The following BCAT1 variants were observed in gnomAD, a reference collection of about 807,000 sequenced individuals.
BCAT1 encodes branched chain amino acid transaminase 1, also known as branched-chain-amino-acid aminotransferase, cytosolic.
Under a neutral mutation model 52.4 loss-of-function variants are expected in BCAT1, and 48 were observed. The observed-to-expected ratio is 0.92, with a 90% CI of 0.73 to 1.16. The LOEUF (loss-of-function observed/expected upper bound fraction) is 1.16, where lower values mean the gene tolerates loss of function less well. Among genes scored for constraint, BCAT1 ranks in the 50% most tolerant of loss-of-function variants. BCAT1 has a pLI of 0.00. For missense variants in BCAT1, 451 were observed against 457.1 expected, an observed-to-expected ratio of 0.99 and a Z score of 0.12; for synonymous variants, 167 against 161.3, an observed-to-expected ratio of 1.04 and a Z score of -0.27.
chr12:24,945,260 A>G lies in BCAT1; in HGVS notation c.6+3667T>C, dbSNP rs146219756. Among the ~76,000 whole-genome samples the G allele has an allele frequency of 2.9e-3, 445 of 152,330 alleles. 2 individuals are homozygous for G. Among genetic ancestry groups the G allele is most frequent in the Middle Eastern group, 0.024 (7 of 294 alleles). Reference sequence around the variant, plus strand: ...GATGAAACTGTTTACCAATATTTGCAAAGTCATGTTTATGAATAAAAGCAC... The same window carrying G: ...GATGAAACTGTTTACCAATATTTGCGAAGTCATGTTTATGAATAAAAGCAC... On this transcript the variant is annotated intron_variant, in intron 1 of 10. Coordinates refer to ENST00000261192, the MANE Select transcript of BCAT1 (RefSeq NM_005504.7).
At chr12:24,828,366 G>A (rs1344433003) in intron 10 of BCAT1, among the ~76,000 whole-genome samples, 1 of 152,064 alleles carries the variant, frequency 6.6e-6, no homozygotes, top group East Asian at 1.9e-4. Flanking sequence ...GCCTGATGAG[G>A]CATTACTGTA....
intron 5 of BCAT1, among the ~76,000 whole-genome samples, chr12:24,878,059 C>G (rs1468439105): frequency 1.3e-5 from 2 of 151,084 alleles, no homozygotes; most frequent in South Asian, 2.1e-4. Context: ...GAAGCTGAGG[C>G]AGGAGGATCA....
At chr12:24,824,231 T>TTTCCTTCCTTCCCTCCTTCC (rs1940278036) in intron 10 of BCAT1, among the ~76,000 whole-genome samples, 1 of 21,074 alleles carries the variant, frequency 4.7e-5, no homozygotes, top group South Asian at 2.0e-3. Flanking sequence ...TGAGTTTACA[T>TTTCCTTCCTTCCCTCCTTCC]TTCCTTCCTT....
chr12:24,852,072 T>C (rs528489573), intron 5 of BCAT1, among the ~76,000 whole-genome samples: 1 of 152,230 alleles, frequency 6.6e-6, no homozygotes, highest in Admixed American at 6.5e-5. Flanking sequence ...TGAGATCTGA[T>C]GGTTTAAAAG....
intron 5 of BCAT1, among the ~76,000 whole-genome samples, chr12:24,854,989 C>T (rs1415988592): frequency 6.6e-6 from 1 of 152,088 alleles, no homozygotes; most frequent in African/African-American, 2.4e-5. Flanking sequence ...TGCCCCCCGC[C>T]CCTGAGCATA....
intron 1 of BCAT1, among the ~76,000 whole-genome samples, chr12:24,914,540 C>T (rs1293715324): frequency 2.0e-5 from 3 of 152,178 alleles, no homozygotes; most frequent in African/African-American, 7.2e-5. Context: ...TAATAAAAGG[C>T]ATTTCCATGA....
intron 1 of BCAT1, among the ~76,000 whole-genome samples, chr12:24,905,145 G>A (rs1943205940): frequency 6.6e-6 from 1 of 152,190 alleles, no homozygotes; most frequent in East Asian, 1.9e-4. Context: ...TGGAGCTTGG[G>A]CTAGTGAGTA....
intron 5 of BCAT1, among the ~76,000 whole-genome samples, chr12:24,862,707 C>G (rs566093004): frequency 6.6e-6 from 1 of 152,252 alleles, no homozygotes; most frequent in African/African-American, 2.4e-5. Context: ...TTCCCGTTCT[C>G]TTTTCCCCTC....
intron 3 of BCAT1, among the ~76,000 whole-genome samples, chr12:24,891,890 A>G (rs1942850107): frequency 6.7e-6 from 1 of 150,282 alleles, no homozygotes; most frequent in Non-Finnish European, 1.5e-5. Context: ...CTTGGACTAC[A>G]GGCGCCTGCC....
rs1047777810 is a variant in BCAT1 at position 24,810,360 on chromosome 12, A to T, written c.*7648T>A. The T allele has an allele frequency of 1.3e-5, 2 of 152,238 alleles. No homozygotes were observed. Among genetic ancestry groups the T allele is most frequent in the African/African-American group, 4.8e-5 (2 of 41,472 alleles). The allele number at this position is 152,238 out of a possible 1,614,324, so 9.4% of individuals were successfully genotyped here. ...GAATCAGATTCATGATTTGAAAAAT[A>T]TGCTTAAATCACACTGAATCAGCTT... On this transcript the variant is annotated 3_prime_UTR_variant, in exon 11 of 11. Coordinates refer to ENST00000261192, the MANE Select transcript of BCAT1 (RefSeq NM_005504.7).
intron 5 of BCAT1, among the ~76,000 whole-genome samples, chr12:24,860,677 T>C (rs1169250991): frequency 6.6e-6 from 1 of 152,180 alleles, no homozygotes; most frequent in African/African-American, 2.4e-5. Flanking sequence ...AAAGTTGACT[T>C]ACAGAACTGA....
chr12:24,903,132 C>T (rs906712873), intron 1 of BCAT1: 26 of 1,316,328 alleles, frequency 2.0e-5, no homozygotes, highest in Admixed American at 4.1e-5. Flanking sequence ...CGCGCCAGGG[C>T]CAGGCGCAGG....
intron 7 of BCAT1, among the ~76,000 whole-genome samples, chr12:24,837,043 G>T (rs374284738): frequency 2.2e-5 from 2 of 89,864 alleles, no homozygotes; most frequent in Non-Finnish European, 4.4e-5. Flanking sequence ...AAAGAAAAAA[G>T]AAAAGAAAAG....
At chr12:24,823,639 G>A (rs1211640060) in intron 10 of BCAT1, among the ~76,000 whole-genome samples, 1 of 152,102 alleles carries the variant, frequency 6.6e-6, no homozygotes, top group Non-Finnish European at 1.5e-5. Context: ...ATGATAGTGA[G>A]TGAGTTCTAA....
At chr12:24,929,024 G>A (rs569179297) in intron 1 of BCAT1, among the ~76,000 whole-genome samples, 3 of 152,044 alleles carry the variant, frequency 2.0e-5, no homozygotes, top group Non-Finnish European at 4.4e-5. Flanking sequence ...GCCTCCCAAA[G>A]TGCTGAGATT....
intron 6 of BCAT1, among the ~76,000 whole-genome samples, chr12:24,844,661 G>T (rs1941281005): frequency 6.6e-6 from 1 of 151,698 alleles, no homozygotes; most frequent in Non-Finnish European, 1.5e-5. Context: ...CACTTTGGGA[G>T]GCGAGACGGC....
intron 1 of BCAT1, among the ~76,000 whole-genome samples, chr12:24,929,807 A>G (rs1311422862): frequency 6.6e-6 from 1 of 152,136 alleles, no homozygotes; most frequent in Non-Finnish European, 1.5e-5. Flanking sequence ...TATAAACTTC[A>G]ATCATCTGGC....
At chr12:24,851,337 G>T (rs911241512) in intron 5 of BCAT1, among the ~76,000 whole-genome samples, 1 of 152,176 alleles carries the variant, frequency 6.6e-6, no homozygotes, top group Non-Finnish European at 1.5e-5. Context: ...AATGTTTCTG[G>T]AGGGATATTT....
At chr12:24,870,425 A>G (rs1017913908) in intron 5 of BCAT1, among the ~76,000 whole-genome samples, 6 of 152,232 alleles carry the variant, frequency 3.9e-5, no homozygotes, top group Non-Finnish European at 5.9e-5. Flanking sequence ...TGAGATGGGA[A>G]AGAACTTAGT....
Sources: allele counts gnomAD v4.1 joint callset (sites outside exome capture counted in the v4.1 genomes callset), GRCh38; gene constraint gnomAD v4.1.1; transcripts MANE v1.5; gene names NCBI Gene and HGNC (gene_info 2026-07-23, HGNC 2026-07-21).